The following SMG5 variants were observed in gnomAD, a reference collection of about 807,000 sequenced individuals.
The protein encoded by SMG5 is SMG5 nonsense mediated mRNA decay factor.
SMG5 carries 53 observed loss-of-function variants against 122.9 expected under a neutral mutation model. The observed-to-expected ratio is 0.43, with a 90% CI of 0.35 to 0.54. SMG5 has a LOEUF of 0.54. Ranked by LOEUF, SMG5 falls within the 20% of genes least tolerant of loss-of-function variation. SMG5 has a pLI of 0.01. For missense variants in SMG5, 1,153 were observed against 1,285.6 expected (o/e 0.90, Z 1.58); for synonymous variants, 477 against 490.2 (o/e 0.97, Z 0.35).
chr1:156,263,153 T>C (rs781681568), intron 13 of SMG5, among the ~76,000 whole-genome samples: 28 of 152,344 alleles, frequency 1.8e-4, no homozygotes, highest in Admixed American at 3.9e-4. Flanking sequence ...ATGCCCAGCA[T>C]TGGGGATACA....
chr1:156,282,599 C>T lies in SMG5; in HGVS notation c.74+8G>A, dbSNP rs780224633. On this transcript the variant is annotated splice_region_variant and intron_variant, in intron 1 of 21. Coordinates refer to ENST00000361813, the MANE Select transcript of SMG5 (RefSeq NM_015327.3). Reference sequence around the variant, plus strand: ...CGGTGGCTGCTCTCACGCCCTGGCCCCTCTCACCGGTAAAGCCGCTTAGTG... The same window carrying T: ...CGGTGGCTGCTCTCACGCCCTGGCCTCTCTCACCGGTAAAGCCGCTTAGTG... The T allele has an allele frequency of 3.0e-5, 49 of 1,606,682 alleles. No individual in the cohort carries two copies. The highest frequency in any genetic ancestry group is 4.1e-5 in the Non-Finnish European group (48 of 1,179,188).
At chr1:156,273,718 C>CTTT (rs748042052) in intron 5 of SMG5, among the ~76,000 whole-genome samples, 26 of 116,336 alleles carry the variant, frequency 2.2e-4, no homozygotes, top group South Asian at 5.6e-4. Context: ...GTTTTGTTTT[C>CTTT]TTTTTTTTTT....
chr1:156,263,935 G>A (rs1661987241), intron 12 of SMG5, among the ~76,000 whole-genome samples: 1 of 152,168 alleles, frequency 6.6e-6, no homozygotes, highest in Admixed American at 6.5e-5. Context: ...TTAGAGGGGA[G>A]CTATAAGGGA....
chr1:156,285,405 A>C, upstream of SMG5: 1 of 1,603,706 alleles, frequency 6.2e-7, no homozygotes, highest in South Asian at 1.1e-5. Flanking sequence ...ACAGCCATAG[A>C]GGGGGCTGAG....
chr1:156,285,605 C>T (rs138888317), upstream of SMG5: 571 of 1,614,224 alleles, frequency 3.5e-4, no homozygotes, highest in Middle Eastern at 8.2e-4. Context: ...GAAAGCGGCC[C>T]GTGCCTTCGT....
rs1201856562 is a variant in SMG5 at position 156,266,205 on chromosome 1, G to A, written c.1431C>T (p.Gly477=). 4 of 1,614,258 alleles carry A rather than the reference G, an allele frequency of 2.5e-6. No homozygotes were observed. ...KVGDDSDLSE[G]FESDSSHDSA... is the part of the protein sequence containing the mutation. ...AGTCATGGCTTGAGTCCGATTCAAAGCCTTCACTCAGGTCACTGTCATCAC... is the reference window on the plus strand; with the variant it reads ...AGTCATGGCTTGAGTCCGATTCAAAACCTTCACTCAGGTCACTGTCATCAC... The change falls in exon 12 of 22, where the codon GGC becomes GGT. Residue 477 remains glycine (G), a synonymous_variant. Transcript: ENST00000361813.
At chr1:156,281,641 G>T (rs1219056984) in intron 1 of SMG5, among the ~76,000 whole-genome samples, 2 of 152,220 alleles carry the variant, frequency 1.3e-5, no homozygotes, top group Non-Finnish European at 1.5e-5. Context: ...AAGGCTCTGA[G>T]GGTCGTCTTC....
intron 12 of SMG5, among the ~76,000 whole-genome samples, chr1:156,265,558 G>A (rs566373673): frequency 1.3e-5 from 2 of 152,232 alleles, no homozygotes; most frequent in South Asian, 4.1e-4. Flanking sequence ...AGGGTGAAGT[G>A]CAAAAGAAAT....
upstream of SMG5, chr1:156,282,928 A>T (rs1028275647): frequency 1.8e-6 from 1 of 553,434 alleles, no homozygotes; most frequent in Non-Finnish European, 3.2e-6. Flanking sequence ...CCTCCCGGGA[A>T]GTTGCCAGAA....
rs1204444833 is a variant in SMG5 at position 156,277,158 on chromosome 1, G to C, written c.381C>G (p.Leu127=). 6.2e-7 allele frequency: 1 copy of C among 1,613,918 alleles called. No individual in the cohort carries two copies. Among genetic ancestry groups the C allele is most frequent in the Non-Finnish European group, 8.5e-7 (1 of 1,179,992 alleles). ...AGIGFYQHLL[L]YIQSHYQLEL... ...CCAGCTGGTAGTGGGACTGGATATAGAGAAGGAGATGCTGGTAGAAGCCAA... is the reference window on the plus strand; with the variant it reads ...CCAGCTGGTAGTGGGACTGGATATACAGAAGGAGATGCTGGTAGAAGCCAA... The change falls in exon 4 of 22, where the codon CTC becomes CTG. Residue 127 remains leucine, a synonymous_variant. Coordinates refer to ENST00000361813, the MANE Select transcript of SMG5 (RefSeq NM_015327.3).
At chr1:156,265,072 C>CACACAA (rs1553293436) in intron 12 of SMG5, among the ~76,000 whole-genome samples, 1 of 147,734 alleles carries the variant, frequency 6.8e-6, no homozygotes, top group Non-Finnish European at 1.5e-5. Context: ...CACACACACA[C>CACACAA]AAAAGCCGGG....
chr1:156,264,165 G>A (rs1419908901), intron 12 of SMG5, among the ~76,000 whole-genome samples: 1 of 149,360 alleles, frequency 6.7e-6, no homozygotes, highest in Non-Finnish European at 1.5e-5. Context: ...CTACTCGGGA[G>A]GCTGAGGCAG....
At position 156,274,674 on chromosome 1, in the gene SMG5, G is replaced by C. The variant is rs779539188; in HGVS notation, c.467C>G (p.Pro156Arg). 5.6e-6 allele frequency: 9 copies of C among 1,613,646 alleles called. No individual in the cohort carries two copies. The highest frequency in any genetic ancestry group is 1.7e-5 in the Admixed American group (1 of 59,992). The change falls in exon 5 of 22, where the codon CCA becomes CGA. Residue 156 changes from proline to arginine, a missense_variant. Coordinates refer to ENST00000361813, the MANE Select transcript of SMG5 (RefSeq NM_015327.3). Reference sequence around the variant, plus strand: ...CATCTCCTTCCCTGAGGCAGACACTGGCTTCTTGCATCCTATGAGACAAAG... The same window carrying C: ...CATCTCCTTCCCTGAGGCAGACACTCGCTTCTTGCATCCTATGAGACAAAG... The part of the protein sequence containing the change: ...VTDPLIGCKK[P>R]VSASGKEMDW...
At chr1:156,289,937 A>G in the SMG5 span, among the ~76,000 whole-genome samples, 2 of 152,128 alleles carry the variant, frequency 1.3e-5, no homozygotes, top group East Asian at 1.9e-4. Context: ...CTGCCCCTCA[A>G]ATTGGCAGAA....
rs1193827543 is a variant in SMG5, at chr1:156,249,759, C to T, written c.*828G>A. ...GGCCTCAGACTGCACCCCCTTTCTT[C>T]TCTTCCTGGCATCCCATTCTGTCCC... On this transcript the variant is annotated 3_prime_UTR_variant, in exon 22 of 22. Transcript: ENST00000361813. The T allele has an allele frequency of 2.1e-6, 1 of 470,866 alleles. No homozygotes were observed. Among genetic ancestry groups the T allele is most frequent in the Non-Finnish European group, 4.4e-6 (1 of 227,060 alleles). 29.2% of individuals were successfully genotyped at this position (470,866 alleles called of 1,614,324 possible).
At chr1:156,271,579 T>G (rs1212761376) in intron 7 of SMG5, among the ~76,000 whole-genome samples, 1 of 144,056 alleles carries the variant, frequency 6.9e-6, no homozygotes, top group Non-Finnish European at 1.5e-5. Context: ...TTTTTTTTTT[T>G]TTTTTTTTTT....
At chr1:156,278,700 A>G (rs1193005481) in intron 2 of SMG5, among the ~76,000 whole-genome samples, 1 of 151,726 alleles carries the variant, frequency 6.6e-6, no homozygotes, top group Non-Finnish European at 1.5e-5. Context: ...ATTTTACTCT[A>G]CTTTTTAGAT....
Position 156,266,301 on chromosome 1 carries a change from A to T in SMG5, c.1335T>A (p.Gly445=), listed in dbSNP as rs756029658. ...AGAACTTACGGCTCTTTCTGCCCTC[A>T]CCCACTTGGGGTGTTACAGGAGGAG... ...PEPPPVTPQV[G]EGRKSRKFSR... The change falls in exon 12 of 22, where the codon GGT becomes GGA. Residue 445 remains glycine (G), a synonymous_variant. Transcript: ENST00000361813. The T allele has an allele frequency of 6.2e-7, 1 of 1,613,940 alleles. No individual in the cohort carries two copies. The highest frequency in any genetic ancestry group is 8.5e-7 in the Non-Finnish European group (1 of 1,179,982).
chr1:156,287,370 C>T (rs1199853632), upstream of SMG5, among the ~76,000 whole-genome samples: 2 of 152,026 alleles, frequency 1.3e-5, no homozygotes, highest in African/African-American at 2.4e-5. Flanking sequence ...GAGCCAAGAT[C>T]GCGCCATTGC....
Sources: allele counts gnomAD v4.1 joint callset (sites outside exome capture counted in the v4.1 genomes callset), GRCh38; gene constraint gnomAD v4.1.1; transcripts MANE v1.5; gene names NCBI Gene and HGNC (gene_info 2026-07-23, HGNC 2026-07-21).